PLXNB2: variants seen among roughly 807,000 people sequenced by gnomAD.
PLXNB2 encodes the protein plexin B2, also known as plexin-B2.
Under a neutral mutation model 202.6 loss-of-function variants are expected in PLXNB2, and 85 were observed. That is an observed-to-expected ratio of 0.42 (90% CI 0.35 to 0.50). PLXNB2 has a LOEUF of 0.50. Among genes scored for constraint, PLXNB2 ranks in the 20% least tolerant of loss-of-function variants. The pLI, the probability that PLXNB2 is intolerant of heterozygous loss-of-function variation, is 0.02. For synonymous variants in PLXNB2, 1,239 were observed against 1,137.6 expected (o/e 1.09, Z -1.79); for missense variants, 2,063 against 2,586.2 (o/e 0.80, Z 4.39).
In PLXNB2 at chr22:50,289,542, T is replaced by C. The variant is rs764764946; in HGVS notation, c.1043A>G (p.Asp348Gly). 5.0e-6 allele frequency: 8 copies of C among 1,611,780 alleles called. No homozygotes were observed. The highest frequency in any genetic ancestry group is 2.2e-5 in the East Asian group (1 of 44,866). The change falls in exon 3 of 37, where the codon GAT becomes GGT. Residue 348 changes from aspartate to glycine, a missense_variant. Coordinates refer to ENST00000359337, the MANE Select transcript of PLXNB2 (RefSeq NM_012401.4). The surrounding 1 kb of genome is among the most constrained non-coding windows in gnomAD (Gnocchi z 8.0). ...RDIFYKPFHGDIQCGGHAPGS... is the reference protein window; with the variant it reads ...RDIFYKPFHGGIQCGGHAPGS... ...CGGCGCGTGGCCGCCGCACTGGATA[T>C]CGCCGTGGAAGGGCTTGTAGAAGAT...
In PLXNB2 at chr22:50,280,146, C is replaced by T. The variant is rs928257503; in HGVS notation, c.4176-75G>A. 4.7e-5 allele frequency: 59 copies of T among 1,262,700 alleles called. No homozygotes were observed. In the African/African-American group the frequency reaches 5.8e-4, roughly 12 times the overall value. 78.2% of individuals were successfully genotyped at this position (1,262,700 alleles called of 1,614,324 possible). On this transcript the variant is annotated intron_variant, in intron 25 of 36. Coordinates refer to ENST00000359337, the MANE Select transcript of PLXNB2 (RefSeq NM_012401.4). Reference sequence around the variant, plus strand: ...GGCCCAACTGACTCCTCCAAGCACCCGGCCACCCTTGCGCCAGCCTCGCCC... The same window carrying T: ...GGCCCAACTGACTCCTCCAAGCACCTGGCCACCCTTGCGCCAGCCTCGCCC...
In PLXNB2 at chr22:50,288,161, C is replaced by T; in HGVS notation, c.1381-124G>A. On this transcript the variant is annotated intron_variant, in intron 5 of 36. Transcript: ENST00000359337. This position sits in a 1 kb window ranked among gnomAD's most constrained non-coding sequence, Gnocchi z 5.0. ...CCCGGGGCCTCGGGAGCCTCAGACA[C>T]CTCAGGCTTGATATTAAACAGTTCT... The T allele has an allele frequency of 5.8e-6, 4 of 691,044 alleles. No individual in the cohort carries two copies. Among genetic ancestry groups the T allele is most frequent in the South Asian group, 1.8e-5 (1 of 54,868 alleles). The allele number at this position is 691,044 out of a possible 1,614,324, so 42.8% of individuals were successfully genotyped here.
intron 33 of PLXNB2, 103 bp from the exon 34 acceptor site, chr22:50,277,009 C>T: frequency 1.2e-6 from 1 of 805,298 alleles, no homozygotes; most frequent in South Asian, 1.5e-5. Flanking sequence ...CTGACACTTT[C>T]ATCAAGAAAA....
chr22:50,305,474 C>T (rs892270598), intron 1 of PLXNB2, among the ~76,000 whole-genome samples: 2 of 152,246 alleles, frequency 1.3e-5, no homozygotes, highest in Non-Finnish European at 2.9e-5. Context: ...TGACTCCTCA[C>T]ATAGACCTAT....
chr22:50,301,970 C>T (rs1263082403), intron 1 of PLXNB2, among the ~76,000 whole-genome samples: 2 of 152,244 alleles, frequency 1.3e-5, no homozygotes, highest in African/African-American at 4.8e-5. Context: ...AGGGTCTCAC[C>T]CCAACACCCA....
Position 50,286,008 on chromosome 22 carries a change from G to T in PLXNB2, c.1968C>A (p.Gly656=). The change falls in exon 10 of 37, where the codon GGC becomes GGA. Residue 656 remains glycine (G), a synonymous_variant. Transcript: ENST00000359337. ...CREASPNPED[G]IVRAHMEDSC... Reference sequence around the variant, plus strand: ...CCCTCACCATGTGGGCACGGACGATGCCGTCCTCAGGGTTGGGCGAAGCCT... The same window carrying T: ...CCCTCACCATGTGGGCACGGACGATTCCGTCCTCAGGGTTGGGCGAAGCCT... 2 of 1,612,342 alleles carry T rather than the reference G, an allele frequency of 1.2e-6. No individual in the cohort carries two copies. Among genetic ancestry groups the T allele is most frequent in the Non-Finnish European group, 1.7e-6 (2 of 1,179,858 alleles).
chr22:50,294,532 T>C (rs2067121368), intron 2 of PLXNB2, among the ~76,000 whole-genome samples, 187 bp downstream of exon 2: 1 of 145,952 alleles, frequency 6.9e-6, no homozygotes, highest in African/African-American at 2.6e-5. Flanking sequence ...TCACAGCGGC[T>C]CCATGGGCAG....
At chr22:50,276,052 C>CT (rs2065534202) in intron 35 of PLXNB2, 89 bp from the exon 36 acceptor site, 3 of 1,289,154 alleles carry the variant, frequency 2.3e-6, no homozygotes, top group Non-Finnish European at 2.2e-6. Context: ...AGGACGAGGC[C>CT]TCCCCGGGGA....
In PLXNB2 at chr22:50,289,833, C is replaced by T; in HGVS notation, c.752G>A (p.Arg251Lys). ...RNRTLLARMC[R>K]EDPNYYSYLE... ...GTAGGAGTAGTAGTTGGGGTCTTCT[C>T]TGCACATGCGTGCCAGCAGCGTGCG... The change falls in exon 3 of 37, where the codon AGA becomes AAA. Residue 251 changes from arginine (R) to lysine (K), a missense_variant. Transcript: ENST00000359337. This position sits in a 1 kb window ranked among gnomAD's most constrained non-coding sequence, Gnocchi z 8.0. 6.2e-7 allele frequency: 1 copy of T among 1,613,324 alleles called. No homozygotes were observed. Among genetic ancestry groups the T allele is most frequent in the Non-Finnish European group, 8.5e-7 (1 of 1,180,032 alleles).
chr22:50,285,046 A>C (rs1352858067), intron 11 of PLXNB2: 3 of 396,416 alleles, frequency 7.6e-6, no homozygotes, highest in African/African-American at 6.2e-5. Flanking sequence ...AAGGCCCCCG[A>C]GTGCTGCCTC....
rs2067337173 is a variant in PLXNB2 at position 50,297,164 on chromosome 22, G to A, written c.-73-2386C>T. On this transcript the variant is annotated intron_variant, in intron 1 of 36. Transcript: ENST00000359337. The surrounding 1 kb of genome is among the most constrained non-coding windows in gnomAD (Gnocchi z 5.3). ...AGCTCCCGACGGAGGTGGCAGCCAT[G>A]GCGGTGGCACGGTACCCCCAGACCT... Among the ~76,000 whole-genome samples, 1 of 152,166 alleles carries A rather than the reference G, an allele frequency of 6.6e-6. No individual in the cohort carries two copies. The highest frequency in any genetic ancestry group is 2.4e-5 in the African/African-American group (1 of 41,428).
chr22:50,282,606 G>T, intron 18 of PLXNB2, 105 bp downstream of exon 18: 1 of 846,388 alleles, frequency 1.2e-6, no homozygotes, highest in South Asian at 1.8e-5. Context: ...GCCTCCCGCT[G>T]CACAGACCAG....
chr22:50,290,984 T>C (rs2066829429), intron 2 of PLXNB2, among the ~76,000 whole-genome samples: 1 of 151,962 alleles, frequency 6.6e-6, no homozygotes, highest in Non-Finnish European at 1.5e-5. Flanking sequence ...CTCCAGGTGG[T>C]CGGGACGCAC....
Position 50,283,651 on chromosome 22 carries a change from C to T in PLXNB2, c.2521G>A (p.Ala841Thr). The part of the protein sequence containing the change: ...QAGDIQRISV[A>T]GRNCSFQPER... ...GGCTGAAAGGAGCAGTTCCGGCCGG[C>T]CACAGAGATCCTCTGGATGTCCCCT... Residue 841 changes from alanine (A) to threonine (T), a missense_variant, in exon 15 of 37, where the codon GCC becomes ACC. Transcript: ENST00000359337. 6.2e-7 allele frequency: 1 copy of T among 1,613,106 alleles called. No individual in the cohort carries two copies. Among genetic ancestry groups the T allele is most frequent in the Non-Finnish European group, 8.5e-7 (1 of 1,179,950 alleles).
At chr22:50,287,381 G>C (rs1021932299) in intron 7 of PLXNB2, 117 bp from the exon 8 acceptor site, 5 of 1,175,084 alleles carry the variant, frequency 4.3e-6, no homozygotes, top group Non-Finnish European at 5.8e-6. Context: ...TCCAGAACCC[G>C]ACTCCACGTC....
intron 1 of PLXNB2, among the ~76,000 whole-genome samples, chr22:50,306,334 G>A (rs1057487203): frequency 6.6e-6 from 1 of 152,196 alleles, no homozygotes; most frequent in Non-Finnish European, 1.5e-5. Flanking sequence ...GGATTTCTAT[G>A]CAACATGCAA....
intron 1 of PLXNB2, among the ~76,000 whole-genome samples, chr22:50,300,018 G>A (rs987035990): frequency 6.6e-6 from 1 of 152,074 alleles, no homozygotes; most frequent in African/African-American, 2.4e-5. Context: ...GACTAGGCCC[G>A]CGCCTCCTCG....
chr22:50,295,105 G>A lies in PLXNB2; in HGVS notation c.-73-327C>T, dbSNP rs571434525. Among the ~76,000 whole-genome samples the A allele has an allele frequency of 1.3e-3, 204 of 152,248 alleles. 2 individuals carry two copies. The highest frequency in any genetic ancestry group is 4.7e-3 in the African/African-American group (194 of 41,536). On this transcript the variant is annotated intron_variant, in intron 1 of 36. Coordinates refer to ENST00000359337, the MANE Select transcript of PLXNB2 (RefSeq NM_012401.4). ...GGAGGCCGAGGCGGGAGGATCACGA[G>A]GTCAGGAGATCAAGACCATCCTGGT...
Position 50,282,069 on chromosome 22 carries a change from C to G in PLXNB2, c.3130G>C (p.Asp1044His). The G allele has an allele frequency of 6.2e-7, 1 of 1,611,218 alleles. No individual in the cohort carries two copies. The highest frequency in any genetic ancestry group is 2.2e-5 in the East Asian group (1 of 44,868). Residue 1044 changes from aspartate (D) to histidine (H), a missense_variant, in exon 20 of 37, where the codon GAC (aspartate) becomes CAC (histidine). Asp to His is a moderately conservative substitution (Grantham distance 81). This residue lies in a region of PLXNB2 where 760 missense variants were observed against 1,109.4 expected (regional missense o/e 0.69). Transcript: ENST00000359337. ...TTGGTGTCATTGTGGAACACGTAGT[C>G]TGTACCCACCACCTGCAGGCAAGTC... ...SLQPMTVVGT[D>H]YVFHNDTKVV... is the part of the protein sequence containing the mutation.
Sources: gnomAD v4.1 joint callset for allele counts (sites outside exome capture counted in the v4.1 genomes callset) on GRCh38, gnomAD v4.1.1 for gene constraint, gnomAD v4.1.1 regional missense constraint, Gnocchi (gnomAD v3.1) non-coding constraint, MANE v1.5 for transcripts, NCBI Gene and HGNC (gene_info 2026-07-23, HGNC 2026-07-21) for gene names.